The following RAPGEF2 variants were observed in gnomAD, a reference collection of about 807,000 sequenced individuals.
The protein encoded by RAPGEF2 is Rap guanine nucleotide exchange factor 2.
In RAPGEF2, 54 loss-of-function variants were observed where a neutral mutation model predicts 186.7. That is an observed-to-expected ratio of 0.29 (90% confidence interval 0.23 to 0.36). The LOEUF is 0.36. Among genes scored for constraint, RAPGEF2 ranks in the 10% least tolerant of loss-of-function variants. The probability of loss-of-function intolerance (pLI) is 1.00; values close to 1 mark genes in which losing one functional copy is unlikely to be tolerated. For synonymous variants in RAPGEF2, 712 were observed against 705.9 expected (o/e 1.01, Z -0.14); for missense variants, 1,532 against 2,045.0 (o/e 0.75, Z 4.84).
In RAPGEF2 at chr4:159,104,010, C is replaced by A. The variant is rs866795485; in HGVS notation, c.-153C>A. On this transcript the variant is annotated 5_prime_UTR_variant, in exon 1 of 30. Transcript: ENST00000691494. ...CCGCCGGGCCCAGCCGAGCCGCCCCCCCGCGGGCCCCGCGCCGCCGCCGCC... is the reference window on the plus strand; with the variant it reads ...CCGCCGGGCCCAGCCGAGCCGCCCCACCGCGGGCCCCGCGCCGCCGCCGCC... 11 of 185,454 alleles carry A rather than the reference C, an allele frequency of 5.9e-5. No homozygotes were observed. Among genetic ancestry groups the A allele is most frequent in the South Asian group, 3.2e-4 (2 of 6,246 alleles). 11.5% of individuals were successfully genotyped at this position (185,454 alleles called of 1,614,324 possible).
chr4:159,202,424 C>T (rs1217435098), intron 3 of RAPGEF2, among the ~76,000 whole-genome samples: 1 of 152,170 alleles, frequency 6.6e-6, no homozygotes, highest in African/African-American at 2.4e-5. Flanking sequence ...TATTGCTTCT[C>T]CACTCCCGAA....
chr4:159,197,913 T>G (rs1338622902), intron 3 of RAPGEF2, among the ~76,000 whole-genome samples: 5 of 152,232 alleles, frequency 3.3e-5, no homozygotes, highest in Non-Finnish European at 5.9e-5. Context: ...GATGTCATTT[T>G]GCCTGTATGA....
intron 7 of RAPGEF2, among the ~76,000 whole-genome samples, chr4:159,279,291 C>T (rs1442972273): frequency 3.3e-5 from 5 of 152,202 alleles, no homozygotes; most frequent in Non-Finnish European, 7.3e-5. Context: ...TTTTCTTGTA[C>T]GTGCAGATGC....
At chr4:159,169,237 A>G (rs751192521) in intron 1 of RAPGEF2, among the ~76,000 whole-genome samples, 5 of 121,606 alleles carry the variant, frequency 4.1e-5, no homozygotes, top group Non-Finnish European at 8.6e-5. Flanking sequence ...TGTCATTTGT[A>G]TTAGGAAAAA....
At chr4:159,165,347 C>A (rs1321792995) in intron 1 of RAPGEF2, among the ~76,000 whole-genome samples, 2 of 152,092 alleles carry the variant, frequency 1.3e-5, no homozygotes, top group African/African-American at 4.8e-5. Flanking sequence ...CTACCTGGTT[C>A]ATTTTCATGT....
chr4:159,260,999 C>G (rs1173263445), intron 7 of RAPGEF2, among the ~76,000 whole-genome samples: 1 of 152,174 alleles, frequency 6.6e-6, no homozygotes, highest in Non-Finnish European at 1.5e-5. Flanking sequence ...ATTCTTCCGC[C>G]TCGCCTTGGC....
At chr4:159,349,572 C>T (rs145428560) in intron 25 of RAPGEF2, among the ~76,000 whole-genome samples, 331 of 152,298 alleles carry the variant, frequency 2.2e-3, no homozygotes, top group African/African-American at 7.3e-3. Context: ...CCGCCCTTCT[C>T]TTTCATCTGT....
chr4:159,332,423 G>T, intron 16 of RAPGEF2, 28 bp from the exon 17 acceptor site: 1 of 1,593,328 alleles, frequency 6.3e-7, no homozygotes, highest in Non-Finnish European at 8.6e-7. Context: ...TTGCCATTAC[G>T]TGGTGTTTCT....
intron 7 of RAPGEF2, among the ~76,000 whole-genome samples, chr4:159,296,345 A>T (rs1244752436): frequency 6.6e-6 from 1 of 152,242 alleles, no homozygotes; most frequent in Non-Finnish European, 1.5e-5. Context: ...TTCATGAGTG[A>T]GAAATTATTT....
chr4:159,250,731 C>T (rs565381698), intron 7 of RAPGEF2, among the ~76,000 whole-genome samples: 2 of 141,886 alleles, frequency 1.4e-5, no homozygotes, highest in Non-Finnish European at 3.0e-5. Context: ...AGTGCAGTGG[C>T]GTCATCTTGG....
At chr4:159,169,433 A>AT (rs1745670288) in intron 1 of RAPGEF2, among the ~76,000 whole-genome samples, 1 of 152,208 alleles carries the variant, frequency 6.6e-6, no homozygotes. Context: ...ACCTCAACTT[A>AT]TTTTTTGTGG....
chr4:159,298,172 C>T (rs1228505682), intron 7 of RAPGEF2, among the ~76,000 whole-genome samples: 3 of 152,108 alleles, frequency 2.0e-5, no homozygotes, highest in Non-Finnish European at 2.9e-5. Flanking sequence ...AACATTAGGC[C>T]TTATCTTATC....
At chr4:159,257,160 C>G (rs1323982490) in intron 7 of RAPGEF2, among the ~76,000 whole-genome samples, 1 of 152,014 alleles carries the variant, frequency 6.6e-6, no homozygotes, top group Non-Finnish European at 1.5e-5. Flanking sequence ...ATGGCATTGT[C>G]TAGATTTTCT....
At chr4:159,246,480 A>G (rs1199268571) in intron 7 of RAPGEF2, among the ~76,000 whole-genome samples, 2 of 152,132 alleles carry the variant, frequency 1.3e-5, no homozygotes, top group Non-Finnish European at 2.9e-5. Flanking sequence ...ATTTCTTACA[A>G]TGGGTGTATA....
intron 7 of RAPGEF2, among the ~76,000 whole-genome samples, chr4:159,302,390 A>G (rs2111038840): frequency 6.6e-6 from 1 of 152,336 alleles, no homozygotes; most frequent in African/African-American, 2.4e-5. Context: ...CATGTCTGTA[A>G]AAGATAATCA....
chr4:159,274,512 A>T (rs1758585154), intron 7 of RAPGEF2, among the ~76,000 whole-genome samples: 1 of 152,232 alleles, frequency 6.6e-6, no homozygotes, highest in African/African-American at 2.4e-5. Flanking sequence ...TGCGTGTATA[A>T]GTGTGTTTGT....
At chr4:159,269,737 G>A (rs1292441992) in intron 7 of RAPGEF2, among the ~76,000 whole-genome samples, 1 of 152,172 alleles carries the variant, frequency 6.6e-6, no homozygotes, top group Non-Finnish European at 1.5e-5. Flanking sequence ...ATGGCTGGGT[G>A]TGGTGGCTCA....
At chr4:159,197,659 A>G (rs956226762) in intron 3 of RAPGEF2, among the ~76,000 whole-genome samples, 1 of 152,222 alleles carries the variant, frequency 6.6e-6, no homozygotes, top group African/African-American at 2.4e-5. Context: ...GCAATTTAGA[A>G]CTGCAAGCCT....
intron 1 of RAPGEF2, among the ~76,000 whole-genome samples, chr4:159,168,640 G>T (rs1278031311): frequency 6.6e-6 from 1 of 152,138 alleles, no homozygotes; most frequent in Non-Finnish European, 1.5e-5. Flanking sequence ...AATTTAAATA[G>T]TAAAAGGGTA....
Sources: allele counts gnomAD v4.1 joint callset (sites outside exome capture counted in the v4.1 genomes callset), GRCh38; gene constraint gnomAD v4.1.1; transcripts MANE v1.5; gene names NCBI Gene and HGNC (gene_info 2026-07-23, HGNC 2026-07-21).